The following ALS2 variants were observed in gnomAD, a reference collection of about 807,000 sequenced individuals.
The protein encoded by ALS2 is alsin.
Under a neutral mutation model 203.4 loss-of-function variants are expected in ALS2, and 117 were observed. That is an observed-to-expected ratio of 0.58 (90% CI 0.50 to 0.67). The LOEUF is 0.67. Among genes scored for constraint, ALS2 ranks in the 30% least tolerant of loss-of-function variants. The pLI is 0.00. For synonymous variants in ALS2, 718 were observed against 725.9 expected (o/e 0.99, Z 0.17); for missense variants, 1,715 against 1,989.4 (o/e 0.86, Z 2.62).
At chr2:201,756,596 C>A (rs1693410165) in intron 5 of ALS2, among the ~76,000 whole-genome samples, 1 of 152,202 alleles carries the variant, frequency 6.6e-6, no homozygotes, top group Non-Finnish European at 1.5e-5. Flanking sequence ...TAGCTTCACT[C>A]ATTCATTACA....
At chr2:201,704,629 A>C in intron 31 of ALS2, 26 bp from the exon 32 acceptor site, 1 of 1,613,802 alleles carries the variant, frequency 6.2e-7, no homozygotes, top group Non-Finnish European at 8.5e-7. Flanking sequence ...TGACAAAAAG[A>C]CATCCTATAA....
intron 25 of ALS2, among the ~76,000 whole-genome samples, chr2:201,712,526 T>C (rs1441553662): frequency 1.3e-5 from 2 of 152,200 alleles, no homozygotes; most frequent in Non-Finnish European, 2.9e-5. Flanking sequence ...AAAAATTAAC[T>C]GTATGTAGCT....
At chr2:201,710,849 T>C (rs3731705) in intron 26 of ALS2, 142 bp downstream of exon 26, 2 of 645,554 alleles carry the variant, frequency 3.1e-6, no homozygotes, top group East Asian at 5.4e-5. Context: ...GTAATCTTGG[T>C]AGTTTGATAA....
chr2:201,724,512 C>T, intron 20 of ALS2, 53 bp from the exon 21 acceptor site: 1 of 1,585,146 alleles, frequency 6.3e-7, no homozygotes, highest in Non-Finnish European at 8.7e-7. Context: ...TTCTGATGCT[C>T]ATTTTTACAA....
At chr2:201,705,489 A>G (rs764019339) in intron 29 of ALS2, 28 bp from the exon 30 acceptor site, 24 of 1,580,388 alleles carry the variant, frequency 1.5e-5, no homozygotes, top group Admixed American at 5.0e-5. Context: ...AATTATTAAT[A>G]TAAGTTGTTA....
At chr2:201,728,185 T>C (rs1026560692) in intron 15 of ALS2, among the ~76,000 whole-genome samples, 2 of 152,202 alleles carry the variant, frequency 1.3e-5, no homozygotes, top group Non-Finnish European at 2.9e-5. Flanking sequence ...CATGTTGGTA[T>C]GCTGCACCCA....
intron 2 of ALS2, 122 bp from the exon 3 acceptor site, chr2:201,767,505 T>C: frequency 9.4e-7 from 1 of 1,065,474 alleles, no homozygotes; most frequent in Non-Finnish European, 1.4e-6. Flanking sequence ...GATAGCTGAA[T>C]TAGCACCTAT....
chr2:201,753,007 T>C (rs1693159052), intron 7 of ALS2, 139 bp downstream of exon 7: 5 of 780,294 alleles, frequency 6.4e-6, no homozygotes, highest in South Asian at 5.7e-5. Flanking sequence ...AATAATACCA[T>C]ACAAAATATT....
chr2:201,749,599 A>G (rs1692895983), intron 8 of ALS2, 113 bp downstream of exon 8: 3 of 1,055,002 alleles, frequency 2.8e-6, no homozygotes, highest in Admixed American at 4.2e-5. Context: ...ACCAAAACAA[A>G]TTTAGGTTGT....
chr2:201,759,902 A>C, intron 4 of ALS2: 1 of 985,286 alleles, frequency 1.0e-6, no homozygotes, highest in Non-Finnish European at 1.2e-6. Context: ...ACTAAGAGTA[A>C]AACACAGAAA....
intron 16 of ALS2, 85 bp downstream of exon 16, chr2:201,727,620 C>T (rs1691268030): frequency 8.3e-7 from 1 of 1,199,160 alleles, no homozygotes; most frequent in South Asian, 1.3e-5. Flanking sequence ...TCTCCGAAGC[C>T]TTCCTGAGCT....
chr2:201,770,333 G>C (rs1694320388), intron 1 of ALS2, among the ~76,000 whole-genome samples: 1 of 152,116 alleles, frequency 6.6e-6, no homozygotes, highest in African/African-American at 2.4e-5. Context: ...AAAATGTTGA[G>C]AATCTTTTGA....
intron 4 of ALS2, chr2:201,760,225 C>T (rs1426939579): frequency 2.9e-6 from 2 of 690,262 alleles, no homozygotes; most frequent in Non-Finnish European, 3.6e-6. Context: ...ATGGGAGGAT[C>T]GCTTGAACCT....
At position 201,723,035 on chromosome 2, in the gene ALS2, T is replaced by C. The variant is rs760850006; in HGVS notation, c.3702+8A>G. 1 of 1,595,792 alleles carries C rather than the reference T, an allele frequency of 6.3e-7. No homozygotes were observed. Among genetic ancestry groups the C allele is most frequent in the African/African-American group, 1.3e-5 (1 of 74,160 alleles). Reference sequence around the variant, plus strand: ...TAGGGAGAAAAAAAAAGAAAGCTAGTTTCCAACCTTTCCACTAAGAGTCCA... The same window carrying C: ...TAGGGAGAAAAAAAAAGAAAGCTAGCTTCCAACCTTTCCACTAAGAGTCCA... On this transcript the variant is annotated splice_region_variant and intron_variant, in intron 23 of 33. Coordinates refer to ENST00000264276, the MANE Select transcript of ALS2 (RefSeq NM_020919.4).
chr2:201,713,767 GTTC>G (rs1690192060), intron 25 of ALS2, among the ~76,000 whole-genome samples: 1 of 152,124 alleles, frequency 6.6e-6, no homozygotes, highest in Admixed American at 6.5e-5. Flanking sequence ...TTGCTTTGAA[GTTC>G]TTGTCAGACA....
At chr2:201,720,982 G>A (rs1049792457) in intron 23 of ALS2, among the ~76,000 whole-genome samples, 2 of 151,888 alleles carry the variant, frequency 1.3e-5, no homozygotes, top group African/African-American at 4.8e-5. Context: ...ACTAATAAAC[G>A]AATTCAGCAA....
intron 28 of ALS2, 124 bp from the exon 29 acceptor site, chr2:201,707,146 A>G: frequency 3.6e-6 from 3 of 840,734 alleles, no homozygotes; most frequent in South Asian, 3.0e-5. Flanking sequence ...AGAAGTTATA[A>G]TATTACTCTG....
chr2:201,754,571 C>G lies in ALS2; in HGVS notation c.1572G>C (p.Leu524=), dbSNP rs1574772031. 1.2e-6 allele frequency: 2 copies of G among 1,614,138 alleles called. No homozygotes were observed. Among genetic ancestry groups the G allele is most frequent in the Middle Eastern group, 3.3e-4 (2 of 6,062 alleles). The change falls in exon 6 of 34, where the codon CTG becomes CTC. Residue 524 remains leucine, a synonymous_variant. Coordinates refer to ENST00000264276, the MANE Select transcript of ALS2 (RefSeq NM_020919.4). The stretch of plus-strand genomic sequence containing the variant: ...TCCCCCAGGTCCACACTTCTGTTCT[C>G]AGAGAAGGCAGGAGCGCATCTGCTT... The part of the protein sequence containing the change: ...SGEADALLPS[L]RTEVWTWGKG...
intron 25 of ALS2, 58 bp from the exon 26 acceptor site, chr2:201,711,166 T>A: frequency 9.2e-7 from 1 of 1,082,058 alleles, no homozygotes; most frequent in Non-Finnish European, 1.4e-6. Context: ...AAGATACGTG[T>A]AAATACTCAC....
Sources: gnomAD v4.1 joint callset for allele counts (sites outside exome capture counted in the v4.1 genomes callset) on GRCh38, gnomAD v4.1.1 for gene constraint, MANE v1.5 for transcripts, NCBI Gene and HGNC (gene_info 2026-07-23, HGNC 2026-07-21) for gene names.